The following NOTCH2NLA variants were observed in gnomAD, a reference collection of about 807,000 sequenced individuals.
NOTCH2NLA encodes notch 2 N-terminal like A, also known as notch homolog 2 N-terminal-like protein A.
intron 3 of NOTCH2NLA, among the ~76,000 whole-genome samples, chr1:146,159,701 G>A (rs2102273910): frequency 8.3e-6 from 1 of 119,982 alleles, no homozygotes; most frequent in African/African-American, 3.0e-5. Context: ...CGGGTGTGGT[G>A]GCTCACACCT....
intron 1 of NOTCH2NLA, among the ~76,000 whole-genome samples, chr1:146,195,307 C>T (rs1553812373): frequency 1.2e-5 from 1 of 84,336 alleles, no homozygotes; most frequent in Non-Finnish European, 2.3e-5. Flanking sequence ...CCAAATCTCA[C>T]GTTGAAACAT....
At chr1:146,171,430 C>T (rs1289523420) in intron 2 of NOTCH2NLA, among the ~76,000 whole-genome samples, 4 of 125,926 alleles carry the variant, frequency 3.2e-5, no homozygotes, top group Non-Finnish European at 7.4e-5. Flanking sequence ...GACTCCCTCT[C>T]AAAAAAAAAA....
intron 3 of NOTCH2NLA, among the ~76,000 whole-genome samples, chr1:146,158,598 C>A (rs1661285688): frequency 6.7e-6 from 1 of 150,332 alleles, no homozygotes; most frequent in African/African-American, 2.4e-5. Context: ...CAAGTCTTTG[C>A]TATTGTGAAT....
At chr1:146,173,017 T>C (rs1421567794) in intron 2 of NOTCH2NLA, among the ~76,000 whole-genome samples, 1 of 150,712 alleles carries the variant, frequency 6.6e-6, no homozygotes, top group Non-Finnish European at 1.5e-5. Flanking sequence ...ATAGTCATCC[T>C]GAGGTATAGA....
intron 3 of NOTCH2NLA, among the ~76,000 whole-genome samples, chr1:146,158,247 T>A (rs1322407802): frequency 6.7e-6 from 1 of 148,816 alleles, no homozygotes; most frequent in Non-Finnish European, 1.5e-5. Context: ...ATATGTGCCA[T>A]GTTGGTGTGC....
chr1:146,185,651 T>C (rs1175620895), intron 2 of NOTCH2NLA, among the ~76,000 whole-genome samples: 1 of 131,344 alleles, frequency 7.6e-6, no homozygotes, highest in African/African-American at 2.5e-5. Context: ...TTTAGCTGAA[T>C]CAGTAGCATT....
At chr1:146,160,046 A>G (rs1315904889) in intron 3 of NOTCH2NLA, among the ~76,000 whole-genome samples, 3 of 92,772 alleles carry the variant, frequency 3.2e-5, no homozygotes, top group Non-Finnish European at 4.8e-5. Context: ...TCTTAACAAC[A>G]AAGGAAGAAG....
Position 146,200,437 on chromosome 1 carries a change from AAATATAT to A in NOTCH2NLA, c.-44-11063_-44-11057del, listed in dbSNP as rs1363401047. Among the ~76,000 whole-genome samples, 31 of 22,760 alleles carry A rather than the reference AAATATAT, an allele frequency of 1.4e-3. 11 individuals carry two copies. The highest frequency in any genetic ancestry group is 2.1e-3 in the Non-Finnish European group (25 of 11,988). 14.9% of individuals were successfully genotyped at this position (22,760 alleles called of 152,430 possible). A position where few individuals can be genotyped will look rare whatever the true frequency, so the allele number is the denominator to read the frequency against. ...GACTCTGCCTGAGAAAAAAAAAAAA[AAATATAT>A]ATATATATATATATTCCTGAACTTC... On this transcript the variant is annotated intron_variant, in intron 1 of 4. Coordinates refer to ENST00000362074, the Ensembl canonical transcript of NOTCH2NLA.
chr1:146,159,966 C>CAAAAAAAAAAAA (rs782308523), intron 3 of NOTCH2NLA, among the ~76,000 whole-genome samples: 2 of 7,440 alleles, frequency 2.7e-4, no homozygotes, highest in Non-Finnish European at 4.8e-4. Flanking sequence ...TACTCCATCT[C>CAAAAAAAAAAAA]AAAAAAAAAA....
At chr1:146,161,629 G>C (rs1242226147) in intron 3 of NOTCH2NLA, among the ~76,000 whole-genome samples, 1 of 56,142 alleles carries the variant, frequency 1.8e-5, no homozygotes, top group Non-Finnish European at 3.2e-5. Flanking sequence ...AGGGAGGAAC[G>C]CTGCCATCAG....
chr1:146,186,983 A>T lies in NOTCH2NLA; in HGVS notation c.38+2317T>A, dbSNP rs587684354. Reference sequence around the variant, plus strand: ...CTATCAACCCGTCATCCAGGTTTTAAGCCCCACGTGCATTAGGTATTCATC... The same window carrying T: ...CTATCAACCCGTCATCCAGGTTTTATGCCCCACGTGCATTAGGTATTCATC... On this transcript the variant is annotated intron_variant, in intron 2 of 4. Transcript: ENST00000362074. Among the ~76,000 whole-genome samples, 19 of 132,882 alleles carry T rather than the reference A, an allele frequency of 1.4e-4. No individual in the cohort carries two copies. In the East Asian group the frequency reaches 3.9e-3, roughly 27 times the overall value. 87.2% of individuals were successfully genotyped at this position (132,882 alleles called of 152,430 possible). A position where few individuals can be genotyped will look rare whatever the true frequency, so the allele number is the denominator to read the frequency against.
At chr1:146,176,657 C>T (rs1405335103) in intron 2 of NOTCH2NLA, among the ~76,000 whole-genome samples, 1 of 134,300 alleles carries the variant, frequency 7.4e-6, no homozygotes, top group African/African-American at 2.6e-5. Flanking sequence ...CACTACTTCT[C>T]ACTTCCAGAC....
chr1:146,158,376 T>A (rs1371153890), intron 3 of NOTCH2NLA, among the ~76,000 whole-genome samples: 1 of 151,310 alleles, frequency 6.6e-6, no homozygotes, highest in Non-Finnish European at 1.5e-5. Flanking sequence ...CCAAGTGTTC[T>A]CATTGTTCAA....
chr1:146,219,795 T>A (rs11577434), intron 1 of NOTCH2NLA, among the ~76,000 whole-genome samples: 6 of 78,536 alleles, frequency 7.6e-5, no homozygotes, highest in Middle Eastern at 5.2e-3. Flanking sequence ...GTTCATAAAC[T>A]AAAAAAAAAA....
intron 2 of NOTCH2NLA, among the ~76,000 whole-genome samples, chr1:146,183,572 T>G (rs1662643095): frequency 8.4e-6 from 1 of 119,270 alleles, no homozygotes; most frequent in Non-Finnish European, 1.7e-5. Flanking sequence ...GGCACCGTAC[T>G]TGAAGGAACT....
chr1:146,186,165 T>A (rs1469785563), intron 2 of NOTCH2NLA, among the ~76,000 whole-genome samples: 1 of 134,352 alleles, frequency 7.4e-6, no homozygotes, highest in Non-Finnish European at 1.7e-5. Flanking sequence ...ACTCTCTTTA[T>A]ACAAGTTTTG....
At chr1:146,224,259 C>A (rs1553819125) in intron 1 of NOTCH2NLA, among the ~76,000 whole-genome samples, 3 of 114,234 alleles carry the variant, frequency 2.6e-5, no homozygotes, top group Admixed American at 9.7e-5. Context: ...AAATAGTATT[C>A]CAAAAATGAC....
intron 2 of NOTCH2NLA, among the ~76,000 whole-genome samples, chr1:146,176,689 AG>A (rs1553808221): frequency 2.5e-5 from 3 of 121,526 alleles, no homozygotes; most frequent in African/African-American, 8.6e-5. Flanking sequence ...CTGTTCAGTC[AG>A]CCCAAAATGC....
At chr1:146,228,253 G>C (rs1365365941) in intron 1 of NOTCH2NLA, 1 of 437,286 alleles carries the variant, frequency 2.3e-6, no homozygotes, top group African/African-American at 2.2e-5. Flanking sequence ...AGGCCGTTTG[G>C]CTTGGCGGCC....
Sources: allele counts gnomAD v4.1 joint callset (sites outside exome capture counted in the v4.1 genomes callset), GRCh38; gene constraint gnomAD v4.1.1; transcripts MANE v1.5; gene names NCBI Gene and HGNC (gene_info 2026-07-23, HGNC 2026-07-21).